The following CDH18 variants were observed in gnomAD, a reference collection of about 807,000 sequenced individuals.
The protein encoded by CDH18 is cadherin-18.
In CDH18, 31 loss-of-function variants were observed where a neutral mutation model predicts 67.9. The observed-to-expected ratio is 0.46, with a 90% CI of 0.34 to 0.62. The LOEUF (loss-of-function observed/expected upper bound fraction) is 0.62, where lower values mean the gene tolerates loss of function less well. Among genes scored for constraint, CDH18 ranks in the 20% least tolerant of loss-of-function variants. The pLI is 0.01. For missense variants in CDH18, 890 were observed against 975.5 expected (o/e 0.91, Z 1.17); for synonymous variants, 362 against 347.2 (o/e 1.04, Z -0.48).
chr5:19,619,900 T>G (rs1411688420), intron 5 of CDH18, among the ~76,000 whole-genome samples: 1 of 152,140 alleles, frequency 6.6e-6, no homozygotes, highest in African/African-American at 2.4e-5. Context: ...ATATATGAAA[T>G]TATATTAGAC....
chr5:19,968,718 T>G (rs1477651698), intron 2 of CDH18, among the ~76,000 whole-genome samples: 9 of 143,136 alleles, frequency 6.3e-5, no homozygotes, highest in African/African-American at 2.7e-4. Context: ...ACTTAAACAT[T>G]AGACCTAAAA....
chr5:19,700,698 T>C (rs1447354080), intron 5 of CDH18, among the ~76,000 whole-genome samples: 2 of 152,172 alleles, frequency 1.3e-5, no homozygotes, highest in African/African-American at 4.8e-5. Flanking sequence ...AGCAAATCCA[T>C]ACTGCCAATC....
rs559389098 is a variant in CDH18 at position 20,064,907 on chromosome 5, A to G, written c.-517-72893T>C. On this transcript the variant is annotated intron_variant, in intron 2 of 14. Coordinates refer to the CDH18 transcript ENST00000507958. ...CACATATAATAGAAATATTATTCTT[A>G]TATGTTTATATAAGTAAGTTTGATA... is the stretch of plus-strand genomic sequence containing the variant. Among the ~76,000 whole-genome samples, 3 of 152,148 alleles carry G rather than the reference A, an allele frequency of 2.0e-5. No homozygotes were observed. In the East Asian group the frequency reaches 5.8e-4, roughly 29 times the overall value.
intron 2 of CDH18, among the ~76,000 whole-genome samples, chr5:20,181,383 G>A (rs1225862237): frequency 6.6e-6 from 1 of 152,236 alleles, no homozygotes; most frequent in East Asian, 1.9e-4. Context: ...TCTTGCTGCA[G>A]AGAGGAGGAT....
intron 1 of CDH18, among the ~76,000 whole-genome samples, chr5:20,563,489 C>CA (rs5866439): frequency 1 from 152,244 of 152,244 alleles, 76,122 homozygotes; most frequent in Non-Finnish European, 1. Context: ...ACAGTAAGTT[C>CA]ACTCGTTTTT....
intron 5 of CDH18, among the ~76,000 whole-genome samples, chr5:19,655,662 G>C (rs1012918094): frequency 6.6e-6 from 1 of 152,032 alleles, no homozygotes; most frequent in Non-Finnish European, 1.5e-5. Context: ...CACTAATTAA[G>C]TGCTACATTG....
chr5:19,944,616 G>A (rs1579726663), intron 2 of CDH18, among the ~76,000 whole-genome samples: 1 of 152,212 alleles, frequency 6.6e-6, no homozygotes, highest in East Asian at 1.9e-4. Flanking sequence ...TATCATTGTT[G>A]AAAATGAGCT....
At chr5:20,414,846 C>G (rs1044822687) in intron 1 of CDH18, among the ~76,000 whole-genome samples, 1 of 152,048 alleles carries the variant, frequency 6.6e-6, no homozygotes. Flanking sequence ...ACAAATGTTG[C>G]TGAGGGTCTA....
At chr5:19,642,123 TGAA>T (rs1379866105) in intron 5 of CDH18, among the ~76,000 whole-genome samples, 8 of 151,906 alleles carry the variant, frequency 5.3e-5, no homozygotes, top group African/African-American at 1.4e-4. Context: ...GGAATAAACT[TGAA>T]GAGGCAAAAT....
intron 7 of CDH18, among the ~76,000 whole-genome samples, chr5:19,574,912 G>A (rs1032318786): frequency 1.3e-5 from 2 of 152,058 alleles, no homozygotes; most frequent in Admixed American, 1.3e-4. Flanking sequence ...GGTTGTGCAC[G>A]CCTGTAGTCC....
At chr5:19,775,802 C>T (rs1031945519) in intron 3 of CDH18, among the ~76,000 whole-genome samples, 6 of 152,088 alleles carry the variant, frequency 3.9e-5, no homozygotes, top group Admixed American at 2.6e-4. Flanking sequence ...AAAATTAAGG[C>T]TGTCTTTGCA....
Position 19,483,310 on chromosome 5 carries a change from T to C in CDH18, c.1873A>G (p.Ile625Val). 1 of 1,612,860 alleles carries C rather than the reference T, an allele frequency of 6.2e-7. No individual in the cohort carries two copies. Among genetic ancestry groups the C allele is most frequent in the African/African-American group, 1.3e-5 (1 of 74,994 alleles). The change falls in exon 12 of 13, where the codon ATT becomes GTT. Residue 625 changes from isoleucine (I) to valine (V), a missense_variant. Ile to Val is a conservative substitution (Grantham distance 29). Around this residue, in one of 2 missense-constraint regions of CDH18, gnomAD observed 656 missense variants for 668.1 expected, o/e 0.98. Coordinates refer to ENST00000382275, the MANE Select transcript of CDH18 (RefSeq NM_004934.5). ...ALIAILLCVLILLAIVVLFIT... is the reference protein window; with the variant it reads ...ALIAILLCVLVLLAIVVLFIT... ...GTTTAGAATGACTTACCCAGGAGAA[T>C]GAGAACACAGAGAAGAATAGCGATT...
chr5:20,388,878 A>G (rs1353231237), intron 1 of CDH18, among the ~76,000 whole-genome samples: 1 of 152,136 alleles, frequency 6.6e-6, no homozygotes. Flanking sequence ...GAGTTTCTTA[A>G]TCCTGAGTTC....
At chr5:19,808,385 G>A (rs942989293) in intron 3 of CDH18, among the ~76,000 whole-genome samples, 2 of 151,196 alleles carry the variant, frequency 1.3e-5, no homozygotes, top group Non-Finnish European at 2.9e-5. Flanking sequence ...TAAATTAAAT[G>A]TCTTTGTTAT....
intron 2 of CDH18, among the ~76,000 whole-genome samples, chr5:20,058,829 A>T (rs1295531288): frequency 6.6e-6 from 1 of 152,182 alleles, no homozygotes; most frequent in Non-Finnish European, 1.5e-5. Context: ...TCATCAACTA[A>T]TATACCCTAG....
At chr5:19,897,742 T>C (rs1411396297) in intron 2 of CDH18, among the ~76,000 whole-genome samples, 1 of 152,024 alleles carries the variant, frequency 6.6e-6, no homozygotes, top group Non-Finnish European at 1.5e-5. Flanking sequence ...AATCATGAAA[T>C]AATTACAACT....
chr5:20,501,857 A>C (rs1387172163), intron 1 of CDH18, among the ~76,000 whole-genome samples: 1 of 149,334 alleles, frequency 6.7e-6, no homozygotes, highest in African/African-American at 2.5e-5. Context: ...AACTCAGTCC[A>C]TCAGGAGATT....
At chr5:19,621,260 A>T (rs530529304) in intron 5 of CDH18, among the ~76,000 whole-genome samples, 6 of 148,146 alleles carry the variant, frequency 4.1e-5, no homozygotes, top group African/African-American at 1.5e-4. Context: ...TTTCTGGATC[A>T]TAAGGCAGTT....
intron 2 of CDH18, among the ~76,000 whole-genome samples, chr5:20,216,501 A>G (rs1740782338): frequency 6.6e-6 from 1 of 152,024 alleles, no homozygotes; most frequent in African/African-American, 2.4e-5. Flanking sequence ...TCACTCTTTT[A>G]GAACTCAGGA....
Sources: allele counts gnomAD v4.1 joint callset (sites outside exome capture counted in the v4.1 genomes callset), GRCh38; gene constraint gnomAD v4.1.1; regional missense constraint gnomAD v4.1.1; transcripts MANE v1.5; gene names NCBI Gene and HGNC (gene_info 2026-07-23, HGNC 2026-07-21).